The following BCAT1 variants were observed in gnomAD, a reference collection of about 807,000 sequenced individuals.
BCAT1 encodes the protein branched chain amino acid transaminase 1, also known as branched-chain-amino-acid aminotransferase, cytosolic.
In BCAT1, 48 loss-of-function variants were observed where a neutral mutation model predicts 52.4. The observed-to-expected ratio is 0.92, with a 90% confidence interval of 0.73 to 1.16. The LOEUF (loss-of-function observed/expected upper bound fraction) is 1.16, where lower values mean the gene tolerates loss of function less well. Among genes scored for constraint, BCAT1 ranks in the 50% most tolerant of loss-of-function variants. BCAT1 has a pLI of 0.00. For missense variants in BCAT1, 451 were observed against 457.1 expected, an observed-to-expected ratio of 0.99 and a Z score of 0.12; for synonymous variants, 167 against 161.3, an observed-to-expected ratio of 1.04 and a Z score of -0.27.
At chr12:24,902,195 C>CA in intron 1 of BCAT1, 2 of 1,433,466 alleles carry the variant, frequency 1.4e-6, no homozygotes, top group Non-Finnish European at 1.8e-6. Flanking sequence ...AACAAAAAAA[C>CA]AATTGTCTCC....
intron 2 of BCAT1, among the ~76,000 whole-genome samples, chr12:24,897,555 T>G (rs2085774025): frequency 6.6e-6 from 1 of 152,208 alleles, no homozygotes; most frequent in Admixed American, 6.5e-5. Flanking sequence ...AGTTTTGTTT[T>G]GTTTTGCTTT....
At chr12:24,909,150 G>A (rs924191) in intron 1 of BCAT1, among the ~76,000 whole-genome samples, 73,197 of 151,840 alleles carry the variant, frequency 0.48, 18,516 homozygotes, top group African/African-American at 0.64. Flanking sequence ...TACATCTAGT[G>A]TTTCTAGGTT....
At chr12:24,862,682 C>T (rs1183444793) in intron 5 of BCAT1, among the ~76,000 whole-genome samples, 2 of 152,144 alleles carry the variant, frequency 1.3e-5, no homozygotes, top group South Asian at 2.1e-4. Flanking sequence ...ACTTAGCCAC[C>T]CTGCTCAGCA....
At chr12:24,887,080 A>AATATATATATAT (rs71063368) in intron 3 of BCAT1, among the ~76,000 whole-genome samples, 38 of 40,732 alleles carry the variant, frequency 9.3e-4, no homozygotes, top group Non-Finnish European at 1.7e-3. Context: ...AAAAAAAAAA[A>AATATATATATAT]ATATATATAT....
Position 24,929,328 on chromosome 12 carries a change from G to C in BCAT1, c.6+19599C>G, listed in dbSNP as rs118020160. On this transcript the variant is annotated intron_variant, in intron 1 of 10. Transcript: ENST00000261192. ...GATTCTGACCCTTTTGATTATTTTA[G>C]GTTGGCACATCCAACAGAAATGGGG... Among the ~76,000 whole-genome samples, 360 of 152,148 alleles carry C rather than the reference G, an allele frequency of 2.4e-3. 1 individual carries two copies. The highest frequency in any genetic ancestry group is 3.5e-3 in the Non-Finnish European group (240 of 68,008).
chr12:24,841,528 A>C (rs1213147236), intron 7 of BCAT1, among the ~76,000 whole-genome samples: 4 of 152,218 alleles, frequency 2.6e-5, no homozygotes, highest in Non-Finnish European at 5.9e-5. Flanking sequence ...CCTTAATGTG[A>C]CATCTCAGTA....
At chr12:24,828,506 A>G (rs1182020515) in intron 10 of BCAT1, among the ~76,000 whole-genome samples, 1 of 152,236 alleles carries the variant, frequency 6.6e-6, no homozygotes, top group Non-Finnish European at 1.5e-5. Flanking sequence ...AGTGAAAAAA[A>G]AATTGCCAAC....
Position 24,814,842 on chromosome 12 carries a change from CA to C in BCAT1, c.*3165del, listed in dbSNP as rs1701749767. The C allele has an allele frequency of 8.6e-6, 1 of 116,024 alleles. No homozygotes were observed. Among genetic ancestry groups the C allele is most frequent in the Admixed American group, 1.1e-4 (1 of 9,210 alleles). 7.2% of individuals were successfully genotyped at this position (116,024 alleles called of 1,614,324 possible). On this transcript the variant is annotated 3_prime_UTR_variant, in exon 11 of 11. Coordinates refer to ENST00000261192, the MANE Select transcript of BCAT1 (RefSeq NM_005504.7). ...TTTTGTCTTACATTTTTTCTTACAG[CA>C]ATCTTTTGAGAAAAGAATAGAGAAT...
chr12:24,857,663 C>T (rs558140329), intron 5 of BCAT1, among the ~76,000 whole-genome samples: 21 of 152,160 alleles, frequency 1.4e-4, no homozygotes, highest in African/African-American at 4.8e-4. Context: ...GAGGGAGCAC[C>T]ACAGGCTCCA....
Position 24,903,298 on chromosome 12 carries a change from C to A in BCAT1, c.7-1413G>T. ...CGCCACGAACGAGCGCCTTTCCAAG[C>A]GCAGATATTTCGCGAGCATCCTTGT... On this transcript the variant is annotated intron_variant, in intron 1 of 10. Coordinates refer to ENST00000261192, the MANE Select transcript of BCAT1 (RefSeq NM_005504.7). The A allele has an allele frequency of 8.1e-6, 3 of 372,174 alleles. No individual in the cohort carries two copies. In the East Asian group the frequency reaches 1.3e-4, roughly 16 times the overall value. 23.1% of individuals were successfully genotyped at this position (372,174 alleles called of 1,614,324 possible). A position where few individuals can be genotyped will look rare whatever the true frequency, so the allele number is the denominator to read the frequency against.
In BCAT1 at chr12:24,890,175, A is replaced by T. The variant is rs370272045; in HGVS notation, c.279+4100T>A. Among the ~76,000 whole-genome samples the T allele has an allele frequency of 8.1e-4, 124 of 152,190 alleles. 1 individual carries two copies. Among genetic ancestry groups the T allele is most frequent in the African/African-American group, 2.9e-3 (120 of 41,440 alleles). Reference sequence around the variant, plus strand: ...AGGGGGTCATGGGAACTCCAACTTGATGCCTCTCAGTCAGACATTCCAGAG... The same window carrying T: ...AGGGGGTCATGGGAACTCCAACTTGTTGCCTCTCAGTCAGACATTCCAGAG... On this transcript the variant is annotated intron_variant, in intron 3 of 10. Coordinates refer to ENST00000261192, the MANE Select transcript of BCAT1 (RefSeq NM_005504.7).
At chr12:24,863,800 A>T (rs374596031) in intron 5 of BCAT1, among the ~76,000 whole-genome samples, 1 of 152,146 alleles carries the variant, frequency 6.6e-6, no homozygotes, top group African/African-American at 2.4e-5. Context: ...GTGTGATGTC[A>T]CATGCCTGTA....
At chr12:24,849,333 A>C (rs1941432455) in intron 6 of BCAT1, among the ~76,000 whole-genome samples, 2 of 152,368 alleles carry the variant, frequency 1.3e-5, no homozygotes, top group South Asian at 4.1e-4. Context: ...ACAGCACTTC[A>C]GTGAAGCGGG....
intron 5 of BCAT1, among the ~76,000 whole-genome samples, chr12:24,853,982 T>C (rs1044399304): frequency 5.9e-5 from 9 of 152,218 alleles, no homozygotes; most frequent in Admixed American, 5.9e-4. Flanking sequence ...TGATGATGTG[T>C]TTAAAAAAAT....
chr12:24,907,811 G>A (rs1943250874), intron 1 of BCAT1, among the ~76,000 whole-genome samples: 1 of 152,086 alleles, frequency 6.6e-6, no homozygotes, highest in Non-Finnish European at 1.5e-5. Context: ...AAACCTCTAA[G>A]AACTAATTAT....
rs1940576167 is a variant in BCAT1, at chr12:24,829,836, A to C, written c.1106T>G (p.Leu369Ter). 1.9e-6 allele frequency: 3 copies of C among 1,610,012 alleles called. No homozygotes were observed. The highest frequency in any genetic ancestry group is 2.5e-6 in the Non-Finnish European group (3 of 1,177,658). Reference sequence around the variant, plus strand: ...GAAAAGCTTTACCTGGATATCAGTTAATTTGCTCAAGATGCGGCTTGCCAG... The same window carrying C: ...GAAAAGCTTTACCTGGATATCAGTTCATTTGCTCAAGATGCGGCTTGCCAG... ...PKLASRILSK[L>*]TDIQYGREES... Residue 369 changes from leucine (L) to a stop codon, truncating the protein, a stop_gained, in exon 10 of 11, where the codon TTA (leucine) becomes TGA (stop). Transcript: ENST00000261192. LOFTEE classifies it high-confidence loss of function.
intron 1 of BCAT1, among the ~76,000 whole-genome samples, chr12:24,942,655 C>T (rs1861253310): frequency 6.6e-6 from 1 of 152,116 alleles, no homozygotes; most frequent in Non-Finnish European, 1.5e-5. Context: ...TGGCCTTCTC[C>T]TTTGACAGGT....
chr12:24,925,715 G>A (rs1199501885), intron 1 of BCAT1, among the ~76,000 whole-genome samples: 3 of 152,044 alleles, frequency 2.0e-5, no homozygotes, highest in Non-Finnish European at 1.5e-5. Context: ...TCAGCCTGCC[G>A]AGTGCCTGTG....
intron 1 of BCAT1, among the ~76,000 whole-genome samples, chr12:24,905,738 C>T (rs1943215323): frequency 6.6e-6 from 1 of 151,960 alleles, no homozygotes; most frequent in Admixed American, 6.6e-5. Flanking sequence ...TTCAATTTAG[C>T]TTAACCTAGG....
Sources: gnomAD v4.1 joint callset for allele counts (sites outside exome capture counted in the v4.1 genomes callset) on GRCh38, gnomAD v4.1.1 for gene constraint, MANE v1.5 for transcripts, NCBI Gene and HGNC (gene_info 2026-07-23, HGNC 2026-07-21) for gene names.